Variants in LYN observed in about 807,000 individuals in gnomAD.
The protein encoded by LYN is tyrosine-protein kinase Lyn.
Under a neutral mutation model 65.0 loss-of-function variants are expected in LYN, and 12 were observed. That is an observed-to-expected ratio of 0.18 (90% CI 0.12 to 0.30). The LOEUF (loss-of-function observed/expected upper bound fraction) is 0.30, where lower values mean the gene tolerates loss of function less well. LYN is among the 10% of genes least tolerant of loss of function. The pLI, the probability that LYN is intolerant of heterozygous loss-of-function variation, is 1.00. For synonymous variants in LYN, 222 were observed against 221.2 expected (o/e 1.00, Z -0.03); for missense variants, 380 against 623.2 (o/e 0.61, Z 4.16).
Position 56,012,542 on chromosome 8 carries a change from A to G in LYN, c.*2432A>G, listed in dbSNP as rs530221200. 6.4e-6 allele frequency: 1 copy of G among 156,668 alleles called. No homozygotes were observed. The highest frequency in any genetic ancestry group is 2.4e-5 in the African/African-American group (1 of 41,692). 9.7% of individuals were successfully genotyped at this position (156,668 alleles called of 1,614,324 possible). Reference sequence around the variant, plus strand: ...AGTTAGACACCAGCCTGAGCAATATAGCAAGTCTCTACAAAAAATTTTAAA... The same window carrying G: ...AGTTAGACACCAGCCTGAGCAATATGGCAAGTCTCTACAAAAAATTTTAAA... On this transcript the variant is annotated 3_prime_UTR_variant, in exon 13 of 13. Coordinates refer to ENST00000519728, the MANE Select transcript of LYN (RefSeq NM_002350.4).
chr8:55,906,395 G>A (rs1805419973), intron 1 of LYN, among the ~76,000 whole-genome samples: 1 of 152,040 alleles, frequency 6.6e-6, no homozygotes, highest in South Asian at 2.1e-4. Flanking sequence ...CGCCCAGACT[G>A]GAGTGAAATC....
At chr8:55,975,185 A>T (rs560177818) in intron 10 of LYN, among the ~76,000 whole-genome samples, 1 of 152,220 alleles carries the variant, frequency 6.6e-6, no homozygotes. Flanking sequence ...CTTGGAGCTG[A>T]TGCTTGGAAA....
At chr8:55,916,882 TA>T (rs1563509501) in intron 1 of LYN, among the ~76,000 whole-genome samples, 11 of 152,016 alleles carry the variant, frequency 7.2e-5, no homozygotes. Context: ...TTCTCTTTTT[TA>T]AAAACAGATG....
chr8:55,900,359 A>C (rs6995146), intron 1 of LYN, among the ~76,000 whole-genome samples: 18 of 152,024 alleles, frequency 1.2e-4, no homozygotes, highest in Non-Finnish European at 2.5e-4. Context: ...GGGAAAAATA[A>C]TCTTCCTCTT....
intron 1 of LYN, among the ~76,000 whole-genome samples, chr8:55,927,556 C>T (rs1199589451): frequency 6.6e-6 from 1 of 152,112 alleles, no homozygotes; most frequent in East Asian, 1.9e-4. Context: ...AGCTGCTGGC[C>T]AGGTGCGGTG....
intron 1 of LYN, among the ~76,000 whole-genome samples, chr8:55,934,510 G>A (rs564034889): frequency 2.2e-4 from 34 of 152,170 alleles, no homozygotes; most frequent in South Asian, 6.2e-4. Flanking sequence ...CTGCTGATTC[G>A]AGGGATGTTA....
At chr8:55,966,656 C>G (rs1406035214) in intron 8 of LYN, 59 bp from the exon 9 acceptor site, 23 of 1,510,604 alleles carry the variant, frequency 1.5e-5, no homozygotes, top group African/African-American at 2.8e-5. Flanking sequence ...GTGTGAGCCA[C>G]CTCCCCCGGC....
chr8:55,895,797 C>T (rs1485792312), intron 1 of LYN: 1 of 151,994 alleles, frequency 6.6e-6, no homozygotes, highest in African/African-American at 2.4e-5. Context: ...GGGTAATGTA[C>T]CTGGGAGTTC....
intron 1 of LYN, among the ~76,000 whole-genome samples, chr8:55,918,682 G>T (rs920138973): frequency 6.6e-5 from 10 of 152,180 alleles, no homozygotes; most frequent in African/African-American, 2.4e-4. Context: ...CTATGGCCTT[G>T]CGGGGTAGGG....
At position 55,896,666 on chromosome 8, in the gene LYN, A is replaced by T. The variant is rs188668992; in HGVS notation, c.-6+16563A>T. Reference sequence around the variant, plus strand: ...AATTAGAGTATAATAAAAAAATTTTAAAAAAAAGAAACATAGAATAAAAAC... The same window carrying T: ...AATTAGAGTATAATAAAAAAATTTTTAAAAAAAGAAACATAGAATAAAAAC... On this transcript the variant is annotated intron_variant, in intron 1 of 12. Transcript: ENST00000519728. 2.9e-3 allele frequency among the ~76,000 whole-genome samples: 448 copies of T among 152,180 alleles called. 5 individuals carry two copies. Among genetic ancestry groups the T allele is most frequent in the African/African-American group, 9.8e-3 (409 of 41,524 alleles).
chr8:55,928,112 G>A (rs753592677), intron 1 of LYN, among the ~76,000 whole-genome samples: 1 of 152,100 alleles, frequency 6.6e-6, no homozygotes, highest in Non-Finnish European at 1.5e-5. Context: ...TGTTTAATAG[G>A]TATATAGTAG....
intron 1 of LYN, among the ~76,000 whole-genome samples, chr8:55,938,260 T>C (rs904934623): frequency 1.2e-4 from 18 of 152,170 alleles, no homozygotes; most frequent in Admixed American, 6.5e-5. Context: ...ATTGTAAAAC[T>C]TTTGCAATGA....
chr8:55,912,347 C>T (rs536630589), intron 1 of LYN, among the ~76,000 whole-genome samples: 1 of 152,314 alleles, frequency 6.6e-6, no homozygotes, highest in South Asian at 2.1e-4. Context: ...TTGAATACTC[C>T]TAGTCACAAC....
At chr8:55,935,744 G>A (rs572132164) in intron 1 of LYN, among the ~76,000 whole-genome samples, 25 of 145,116 alleles carry the variant, frequency 1.7e-4, no homozygotes, top group Non-Finnish European at 3.3e-4. Flanking sequence ...TCGCACCACT[G>A]CACTCCAGCC....
chr8:55,945,382 C>T (rs1402541830), intron 2 of LYN, among the ~76,000 whole-genome samples: 1 of 152,130 alleles, frequency 6.6e-6, no homozygotes, highest in Non-Finnish European at 1.5e-5. Context: ...ACTAAAAAAT[C>T]AACATAAAAC....
Position 56,010,323 on chromosome 8 carries a change from C to G in LYN, c.*213C>G. ...ATTCTCCACTCAGTTGCAACTTGGA[C>G]TTGTCCTCAGCAGCTGGTAATCTTG... On this transcript the variant is annotated 3_prime_UTR_variant, in exon 13 of 13. Coordinates refer to ENST00000519728, the MANE Select transcript of LYN (RefSeq NM_002350.4). The G allele has an allele frequency of 1.9e-6, 1 of 534,058 alleles. No homozygotes were observed. Among genetic ancestry groups the G allele is most frequent in the South Asian group, 2.1e-5 (1 of 48,640 alleles). 33.1% of individuals were successfully genotyped at this position (534,058 alleles called of 1,614,324 possible).
intron 8 of LYN, among the ~76,000 whole-genome samples, chr8:55,962,576 C>T (rs935304646): frequency 6.6e-6 from 1 of 151,142 alleles, no homozygotes; most frequent in African/African-American, 2.4e-5. Context: ...ATCTTCATTC[C>T]ATATGGTATT....
At chr8:56,000,579 T>C (rs58704162) in intron 12 of LYN, among the ~76,000 whole-genome samples, 3,622 of 151,136 alleles carry the variant, frequency 0.024, 169 homozygotes, top group African/African-American at 0.085. Context: ...ATACAAAAAA[T>C]TAGCTGGGCG....
chr8:56,000,986 A>G (rs1054009368), intron 12 of LYN, among the ~76,000 whole-genome samples: 5 of 152,130 alleles, frequency 3.3e-5, no homozygotes, highest in Non-Finnish European at 7.4e-5. Flanking sequence ...ACACACAGCC[A>G]TCCTGTAGGG....
Sources: gnomAD v4.1 joint callset for allele counts (sites outside exome capture counted in the v4.1 genomes callset) on GRCh38, gnomAD v4.1.1 for gene constraint, MANE v1.5 for transcripts, NCBI Gene and HGNC (gene_info 2026-07-23, HGNC 2026-07-21) for gene names.